CACNB2: variants seen among roughly 807,000 people sequenced by gnomAD.
CACNB2 encodes the protein calcium voltage-gated channel auxiliary subunit beta 2.
In CACNB2, 42 loss-of-function variants were observed where a neutral mutation model predicts 73.3. That is an observed-to-expected ratio of 0.57 (90% CI 0.45 to 0.74). CACNB2 has a LOEUF of 0.74. Among genes scored for constraint, CACNB2 ranks in the 30% least tolerant of loss-of-function variants. The pLI is 0.00. For missense variants in CACNB2, 940 were observed against 853.0 expected (o/e 1.10, Z -1.27); for synonymous variants, 348 against 310.3 (o/e 1.12, Z -1.28).
At chr10:18,236,372 C>G (rs1046014710) in intron 2 of CACNB2, among the ~76,000 whole-genome samples, 1 of 152,240 alleles carries the variant, frequency 6.6e-6, no homozygotes, top group Admixed American at 6.5e-5. Context: ...GTATGGACAT[C>G]TCTGTATTGA....
intron 2 of CACNB2, among the ~76,000 whole-genome samples, chr10:18,393,778 T>A (rs1351207921): frequency 2.6e-5 from 4 of 152,162 alleles, no homozygotes; most frequent in African/African-American, 9.7e-5. Context: ...CTACTTTCCC[T>A]TGTAGATAAG....
chr10:18,364,501 T>C (rs1260181184), intron 2 of CACNB2, among the ~76,000 whole-genome samples: 2 of 151,182 alleles, frequency 1.3e-5, no homozygotes, highest in Admixed American at 1.3e-4. Flanking sequence ...GGTTTTACCA[T>C]GTTAGCCAGG....
intron 2 of CACNB2, among the ~76,000 whole-genome samples, chr10:18,334,471 T>A (rs1212913003): frequency 6.6e-6 from 1 of 152,222 alleles, no homozygotes; most frequent in African/African-American, 2.4e-5. Flanking sequence ...GAGAAAGAAT[T>A]TGAATTTCAC....
At chr10:18,199,604 G>A (rs943232391) in intron 2 of CACNB2, among the ~76,000 whole-genome samples, 11 of 152,150 alleles carry the variant, frequency 7.2e-5, no homozygotes, top group African/African-American at 1.9e-4. Flanking sequence ...AGGGATAAGG[G>A]TTTGGATAAT....
intron 3 of CACNB2, among the ~76,000 whole-genome samples, chr10:18,409,203 G>A (rs112832045): frequency 1.7e-3 from 258 of 151,876 alleles, no homozygotes; most frequent in Non-Finnish European, 2.8e-3. Flanking sequence ...AGAGGCTGAA[G>A]CAGGAGAATC....
chr10:18,471,739 T>G (rs950943891), intron 3 of CACNB2, among the ~76,000 whole-genome samples: 5 of 152,222 alleles, frequency 3.3e-5, no homozygotes, highest in African/African-American at 1.2e-4. Flanking sequence ...ATATACCTGT[T>G]GAAAATATTT....
intron 3 of CACNB2, among the ~76,000 whole-genome samples, chr10:18,494,473 CA>C (rs999622083): frequency 1.3e-5 from 2 of 149,722 alleles, no homozygotes; most frequent in Non-Finnish European, 3.0e-5. Flanking sequence ...ACTAAAAATA[CA>C]AAAAAAAATT....
At chr10:18,188,056 G>A (rs907597554) in intron 2 of CACNB2, among the ~76,000 whole-genome samples, 3 of 152,014 alleles carry the variant, frequency 2.0e-5, no homozygotes, top group Admixed American at 6.6e-5. Flanking sequence ...ATACTGTTTT[G>A]TATTTCTGTT....
At chr10:18,417,100 T>A (rs2045015128) in intron 3 of CACNB2, among the ~76,000 whole-genome samples, 1 of 143,870 alleles carries the variant, frequency 7.0e-6, no homozygotes, top group Non-Finnish European at 1.6e-5. Flanking sequence ...CTAGAGAGAT[T>A]AAGGAAATAA....
intron 2 of CACNB2, among the ~76,000 whole-genome samples, chr10:18,368,497 C>T (rs558750031): frequency 3.3e-5 from 5 of 152,112 alleles, no homozygotes; most frequent in Non-Finnish European, 7.4e-5. Context: ...TCACATGTGG[C>T]TCATACAGAA....
At chr10:18,286,313 C>T (rs184155122) in intron 2 of CACNB2, among the ~76,000 whole-genome samples, 1 of 151,644 alleles carries the variant, frequency 6.6e-6, no homozygotes, top group Non-Finnish European at 1.5e-5. Context: ...TCAGGAGATC[C>T]AGACCATCCT....
intron 3 of CACNB2, among the ~76,000 whole-genome samples, chr10:18,435,148 G>A (rs960132486): frequency 7.9e-5 from 12 of 152,244 alleles, no homozygotes; most frequent in Admixed American, 2.6e-4. Flanking sequence ...TGCCTTCTGC[G>A]TGTCACACAA....
At chr10:18,209,389 AGTCT>A (rs1180406821) in intron 2 of CACNB2, among the ~76,000 whole-genome samples, 2 of 152,168 alleles carry the variant, frequency 1.3e-5, no homozygotes, top group East Asian at 3.8e-4. Flanking sequence ...TAACTCTCAA[AGTCT>A]GTCTATTTTT....
intron 3 of CACNB2, among the ~76,000 whole-genome samples, chr10:18,417,226 A>G (rs1481758843): frequency 6.6e-6 from 1 of 151,950 alleles, no homozygotes; most frequent in East Asian, 1.9e-4. Flanking sequence ...GAGTCTGGAT[A>G]GAGTTTACAA....
chr10:18,141,088 G>A, intron 1 of CACNB2: 1 of 1,548,890 alleles, frequency 6.5e-7, no homozygotes, highest in Non-Finnish European at 8.7e-7. Context: ...AGTGGGGAAG[G>A]GCGGGGGAGA....
intron 1 of CACNB2, among the ~76,000 whole-genome samples, chr10:18,147,014 T>G (rs1382454746): frequency 6.6e-6 from 1 of 152,186 alleles, no homozygotes; most frequent in Non-Finnish European, 1.5e-5. Context: ...GCCACATCAT[T>G]CTTCAGGTTG....
At chr10:18,221,473 G>A (rs758581679) in intron 2 of CACNB2, among the ~76,000 whole-genome samples, 1 of 152,190 alleles carries the variant, frequency 6.6e-6, no homozygotes, top group Admixed American at 6.5e-5. Flanking sequence ...GAGGCCAGGA[G>A]TTCGAGACCA....
At chr10:18,262,471 T>C (rs535691146) in intron 2 of CACNB2, among the ~76,000 whole-genome samples, 23 of 152,298 alleles carry the variant, frequency 1.5e-4, no homozygotes, top group African/African-American at 5.5e-4. Flanking sequence ...AATGCAACAG[T>C]TGACATATCA....
intron 2 of CACNB2, among the ~76,000 whole-genome samples, chr10:18,302,851 GAAATAAA>G (rs770052363): frequency 1.5e-4 from 23 of 152,208 alleles, no homozygotes; most frequent in South Asian, 1.0e-3. Context: ...AAAACCTATG[GAAATAAA>G]AAATAAAAAA....
Sources: allele counts gnomAD v4.1 joint callset (sites outside exome capture counted in the v4.1 genomes callset), GRCh38; gene constraint gnomAD v4.1.1; transcripts MANE v1.5; gene names NCBI Gene and HGNC (gene_info 2026-07-23, HGNC 2026-07-21).